PSMG2: variants seen among roughly 807,000 people sequenced by gnomAD.
The protein encoded by PSMG2 is CD40 ligand-activated specific transcript 3.
PSMG2 carries 21 observed loss-of-function variants against 31.5 expected under a neutral mutation model. That is an observed-to-expected ratio of 0.67 (90% confidence interval 0.47 to 0.96). The LOEUF (loss-of-function observed/expected upper bound fraction) is 0.96. PSMG2 is among the 40% of genes least tolerant of loss of function. The probability of loss-of-function intolerance (pLI) is 0.00; values close to 1 mark genes in which losing one functional copy is unlikely to be tolerated. For missense variants in PSMG2, 318 were observed against 321.2 expected, an observed-to-expected ratio of 0.99 and a Z score of 0.08; for synonymous variants, 120 against 110.4, an observed-to-expected ratio of 1.09 and a Z score of -0.54.
At chr18:12,703,545 G>A (rs1321348786) in intron 1 of PSMG2, among the ~76,000 whole-genome samples, 2 of 152,228 alleles carry the variant, frequency 1.3e-5, no homozygotes, top group Non-Finnish European at 2.9e-5. Flanking sequence ...GAGAACTACT[G>A]ATAGGGCAAT....
chr18:12,689,262 G>C (rs539137980), intron 1 of PSMG2, among the ~76,000 whole-genome samples: 1 of 145,462 alleles, frequency 6.9e-6, no homozygotes, highest in Non-Finnish European at 1.5e-5. Context: ...TTTAATTTCA[G>C]AACTAGTCAA....
chr18:12,671,408 C>T (rs1568006912), intron 1 of PSMG2, among the ~76,000 whole-genome samples: 1 of 151,878 alleles, frequency 6.6e-6, no homozygotes. Flanking sequence ...AAATTAAGAA[C>T]TACACATATC....
intron 1 of PSMG2, among the ~76,000 whole-genome samples, chr18:12,677,482 AAAG>A (rs2039183886): frequency 6.6e-6 from 1 of 151,280 alleles, no homozygotes; most frequent in African/African-American, 2.4e-5. Context: ...AAAAAAAAAA[AAAG>A]AGGTTTGATC....
intron 1 of PSMG2, among the ~76,000 whole-genome samples, chr18:12,703,951 A>G (rs2040232109): frequency 6.6e-6 from 1 of 152,178 alleles, no homozygotes; most frequent in Non-Finnish European, 1.5e-5. Flanking sequence ...TTGAGAGAGA[A>G]TAGGCTGTAG....
intron 1 of PSMG2, among the ~76,000 whole-genome samples, chr18:12,659,149 T>C (rs2038642611): frequency 6.6e-6 from 1 of 152,200 alleles, no homozygotes; most frequent in Non-Finnish European, 1.5e-5. Context: ...CTACAGAGTG[T>C]TGAAAGCATC....
chr18:12,705,165 A>G (rs1371004258), intron 1 of PSMG2, among the ~76,000 whole-genome samples: 3 of 152,000 alleles, frequency 2.0e-5, no homozygotes, highest in Non-Finnish European at 4.4e-5. Context: ...CCTGGGTTCA[A>G]GTGATTCTCC....
chr18:12,711,220 C>T (rs757901643), intron 2 of PSMG2, among the ~76,000 whole-genome samples: 3 of 152,092 alleles, frequency 2.0e-5, no homozygotes, highest in Middle Eastern at 3.4e-3. Flanking sequence ...TGGAGTGAGC[C>T]GATATCGCAC....
intron 5 of PSMG2, 106 bp downstream of exon 5, chr18:12,720,789 GA>G: frequency 8.8e-7 from 1 of 1,134,664 alleles, no homozygotes; most frequent in Non-Finnish European, 1.2e-6. Context: ...GACAGAGCAA[GA>G]CTCTGTCTCA....
chr18:12,704,137 G>A (rs1432997344), intron 1 of PSMG2, among the ~76,000 whole-genome samples: 3 of 152,208 alleles, frequency 2.0e-5, no homozygotes, highest in African/African-American at 7.2e-5. Flanking sequence ...TGTGTAAGGT[G>A]AAGAAAGTGT....
intron 5 of PSMG2, among the ~76,000 whole-genome samples, chr18:12,723,862 C>T (rs914321586): frequency 6.6e-6 from 1 of 152,134 alleles, no homozygotes; most frequent in African/African-American, 2.4e-5. Flanking sequence ...GAGGAACACC[C>T]CTGGTTAAGT....
upstream of PSMG2, chr18:12,699,064 T>G (rs528967798): frequency 6.2e-7 from 1 of 1,614,106 alleles, no homozygotes; most frequent in East Asian, 2.2e-5. Flanking sequence ...AACGAAAACG[T>G]TGGTTTCGAT....
intron 1 of PSMG2, among the ~76,000 whole-genome samples, chr18:12,665,706 A>T (rs1044323280): frequency 4.0e-5 from 6 of 151,790 alleles, no homozygotes; most frequent in African/African-American, 1.5e-4. Flanking sequence ...TTTTTTTTTA[A>T]TTTTTTTTGA....
intron 1 of PSMG2, among the ~76,000 whole-genome samples, chr18:12,683,792 A>G (rs2039437479): frequency 1.3e-5 from 2 of 152,130 alleles, no homozygotes; most frequent in Admixed American, 1.3e-4. Context: ...GTAGCAACAC[A>G]TAGAAAAATG....
chr18:12,687,342 C>A (rs1049336575), intron 1 of PSMG2, among the ~76,000 whole-genome samples: 2 of 152,044 alleles, frequency 1.3e-5, no homozygotes, highest in African/African-American at 4.8e-5. Flanking sequence ...GAAAAAAAAA[C>A]TCACTTATTT....
intron 1 of PSMG2, among the ~76,000 whole-genome samples, chr18:12,680,136 T>C (rs564096670): frequency 2.0e-5 from 3 of 151,898 alleles, no homozygotes; most frequent in Admixed American, 6.6e-5. Context: ...ACCAACATCA[T>C]GTTGGTAAAG....
At chr18:12,678,226 A>C in intron 1 of PSMG2, 1 of 1,614,206 alleles carries the variant, frequency 6.2e-7, no homozygotes, top group South Asian at 1.1e-5. Context: ...TTGTAGCTCC[A>C]GGAGCACACA....
intron 1 of PSMG2, among the ~76,000 whole-genome samples, chr18:12,704,603 T>C (rs564472058): frequency 6.6e-6 from 1 of 152,084 alleles, no homozygotes; most frequent in Non-Finnish European, 1.5e-5. Context: ...AACTTTTTTT[T>C]AATAAGAGAT....
chr18:12,669,527 TA>T (rs1370458593), intron 1 of PSMG2, among the ~76,000 whole-genome samples: 1 of 152,168 alleles, frequency 6.6e-6, no homozygotes, highest in Admixed American at 6.6e-5. Flanking sequence ...TGGTTTCTGA[TA>T]TTTTTCTATT....
intron 1 of PSMG2, among the ~76,000 whole-genome samples, chr18:12,660,570 C>T (rs2038676534): frequency 6.6e-6 from 1 of 152,116 alleles, no homozygotes; most frequent in African/African-American, 2.4e-5. Context: ...GTCCACCCGC[C>T]TCAGCCTCCA....
Sources: allele counts gnomAD v4.1 joint callset (sites outside exome capture counted in the v4.1 genomes callset), GRCh38; gene constraint gnomAD v4.1.1; transcripts MANE v1.5; gene names NCBI Gene and HGNC (gene_info 2026-07-23, HGNC 2026-07-21).